SDK1: variants seen among roughly 807,000 people sequenced by gnomAD.
SDK1 encodes the protein sidekick cell adhesion molecule 1, also known as protein sidekick-1.
A neutral mutation model predicts 245.5 loss-of-function variants in SDK1; 157 were observed. That is an observed-to-expected ratio of 0.64 (90% CI 0.56 to 0.73). The LOEUF (loss-of-function observed/expected upper bound fraction) is 0.73. SDK1 is among the 30% of genes least tolerant of loss of function. The probability of loss-of-function intolerance (pLI) is 0.00; values close to 1 mark genes in which losing one functional copy is unlikely to be tolerated. For missense variants in SDK1, 3,583 were observed against 3,002.3 expected (o/e 1.19, Z -4.52); for synonymous variants, 1,647 against 1,278.5 (o/e 1.29, Z -6.15).
intron 4 of SDK1, among the ~76,000 whole-genome samples, chr7:3,785,722 C>A (rs1392692915): frequency 2.6e-5 from 4 of 152,004 alleles, no homozygotes; most frequent in Non-Finnish European, 5.9e-5. Context: ...AATACACTTG[C>A]TCATGATTAT....
intron 40 of SDK1, among the ~76,000 whole-genome samples, chr7:4,231,362 G>C (rs540620548): frequency 6.6e-6 from 1 of 150,812 alleles, no homozygotes; most frequent in Non-Finnish European, 1.5e-5. Context: ...TCGGCAGTTC[G>C]AGCCCAGCCT....
In SDK1 at chr7:4,012,220, G is replaced by A. The variant is rs775673584; in HGVS notation, c.2405G>A (p.Arg802His). ...PPETEHNGVL[R>H]GYILRYRLAG... ...GAAACAGAGCACAACGGGGTGTTGC[G>A]TGGATACATCCTCAGGCAAGTGCCC... The change falls in exon 16 of 45, where the codon CGT becomes CAT. Residue 802 changes from arginine (R) to histidine (H), a missense_variant. Transcript: ENST00000404826. The A allele has an allele frequency of 2.1e-5, 32 of 1,527,172 alleles. No homozygotes were observed. The highest frequency in any genetic ancestry group is 5.2e-5 in the South Asian group (4 of 76,308). The allele number at this position is 1,527,172 out of a possible 1,614,324, so 94.6% of individuals were successfully genotyped here.
chr7:3,696,960 T>A (rs1784592208), intron 4 of SDK1, among the ~76,000 whole-genome samples: 1 of 152,122 alleles, frequency 6.6e-6, no homozygotes, highest in Admixed American at 6.5e-5. Flanking sequence ...TTCATCTTGT[T>A]TATGGAATGG....
intron 5 of SDK1, among the ~76,000 whole-genome samples, chr7:3,844,096 A>C (rs1486585769): frequency 6.6e-6 from 1 of 152,010 alleles, no homozygotes; most frequent in Non-Finnish European, 1.5e-5. Flanking sequence ...TCAGCTTCTC[A>C]AGTAGCTGGG....
rs10683288 is a variant in SDK1, at chr7:3,584,731, A to ATTTT, written c.299-34340_299-34337dup. On this transcript the variant is annotated intron_variant, in intron 1 of 44. Coordinates refer to ENST00000404826, the MANE Select transcript of SDK1 (RefSeq NM_152744.4). ...TTGGGGTGACCCATGACTTCACGTTATTTTTTTTTTTTGAGATGGAGTCTC... is the reference window on the plus strand; with the variant it reads ...TTGGGGTGACCCATGACTTCACGTTATTTTTTTTTTTTTTTTGAGATGGAGTCTC... 2.6e-3 allele frequency among the ~76,000 whole-genome samples: 381 copies of ATTTT among 146,420 alleles called. 3 individuals are homozygous for ATTTT. Among genetic ancestry groups the ATTTT allele is most frequent in the Admixed American group, 0.013 (189 of 14,744 alleles).
chr7:3,990,439 C>G (rs920074896), intron 14 of SDK1, among the ~76,000 whole-genome samples: 1 of 152,128 alleles, frequency 6.6e-6, no homozygotes, highest in Non-Finnish European at 1.5e-5. Context: ...CGGCTCTGAC[C>G]GAACGGGGAA....
intron 22 of SDK1, among the ~76,000 whole-genome samples, chr7:4,081,654 G>A (rs886818432): frequency 6.6e-5 from 10 of 152,048 alleles, no homozygotes; most frequent in Non-Finnish European, 8.8e-5. Flanking sequence ...TCCTGACCTC[G>A]TGATCCGCCT....
At chr7:4,110,798 A>G (rs1307601061) in intron 23 of SDK1, 26 bp downstream of exon 23, 1 of 1,500,412 alleles carries the variant, frequency 6.7e-7, no homozygotes, top group East Asian at 2.3e-5. Context: ...ATAAGCTGTT[A>G]CAGGAGGAAA....
chr7:3,388,778 T>G (rs1401068277), intron 1 of SDK1, among the ~76,000 whole-genome samples: 1 of 150,998 alleles, frequency 6.6e-6, no homozygotes, highest in Non-Finnish European at 1.5e-5. Flanking sequence ...TTAAATGAGA[T>G]TTCTGTCACA....
chr7:3,417,828 T>C (rs1779416300), intron 1 of SDK1, among the ~76,000 whole-genome samples: 1 of 152,180 alleles, frequency 6.6e-6, no homozygotes, highest in African/African-American at 2.4e-5. Flanking sequence ...TGTCAGAGTC[T>C]GAAAGGCTTC....
intron 1 of SDK1, among the ~76,000 whole-genome samples, chr7:3,463,035 G>T (rs1479513163): frequency 6.6e-6 from 1 of 152,124 alleles, no homozygotes; most frequent in Non-Finnish European, 1.5e-5. Flanking sequence ...GGTGAATTGT[G>T]CCTTGTTCCC....
intron 1 of SDK1, among the ~76,000 whole-genome samples, chr7:3,316,853 G>A (rs752636461): frequency 6.6e-6 from 1 of 152,054 alleles, no homozygotes; most frequent in African/African-American, 2.4e-5. Flanking sequence ...CAGAATTGGT[G>A]TTTTTGGGCA....
intron 1 of SDK1, among the ~76,000 whole-genome samples, chr7:3,534,306 G>A (rs916631726): frequency 2.0e-5 from 3 of 152,056 alleles, no homozygotes; most frequent in Non-Finnish European, 4.4e-5. Flanking sequence ...CAGGCATTTA[G>A]GTGCTTCTGT....
intron 25 of SDK1, among the ~76,000 whole-genome samples, chr7:4,125,943 T>G (rs901553100): frequency 2.6e-5 from 4 of 152,202 alleles, no homozygotes; most frequent in Admixed American, 1.3e-4. Context: ...AGTCCGGCCT[T>G]ACTCCATCAC....
chr7:4,122,530 C>T (rs148558995), intron 25 of SDK1, among the ~76,000 whole-genome samples: 184 of 152,260 alleles, frequency 1.2e-3, no homozygotes, highest in Non-Finnish European at 2.2e-3. Context: ...CAGCAGAATG[C>T]TCGGAGCCAC....
chr7:4,109,994 C>T (rs1296776852), intron 22 of SDK1, among the ~76,000 whole-genome samples: 3 of 152,132 alleles, frequency 2.0e-5, no homozygotes, highest in Non-Finnish European at 2.9e-5. Context: ...CTGCAGGCAT[C>T]GCCAGCAGAC....
At chr7:3,869,675 A>G (rs933284903) in intron 5 of SDK1, among the ~76,000 whole-genome samples, 1 of 152,196 alleles carries the variant, frequency 6.6e-6, no homozygotes, top group Non-Finnish European at 1.5e-5. Flanking sequence ...ATGTGGGTAC[A>G]GTGTTTTTAA....
At chr7:3,510,470 A>G (rs762089596) in intron 1 of SDK1, among the ~76,000 whole-genome samples, 1 of 152,206 alleles carries the variant, frequency 6.6e-6, no homozygotes, top group Non-Finnish European at 1.5e-5. Flanking sequence ...AGGCGGATTA[A>G]TAGGCAAAAA....
At chr7:3,581,671 G>C (rs751346724) in intron 1 of SDK1, among the ~76,000 whole-genome samples, 3 of 152,158 alleles carry the variant, frequency 2.0e-5, no homozygotes, top group African/African-American at 7.2e-5. Context: ...AATGTAAATC[G>C]TTCTACGACA....
Sources: gnomAD v4.1 joint callset for allele counts (sites outside exome capture counted in the v4.1 genomes callset) on GRCh38, gnomAD v4.1.1 for gene constraint, MANE v1.5 for transcripts, NCBI Gene and HGNC (gene_info 2026-07-23, HGNC 2026-07-21) for gene names.